The following C12orf56 variants were observed in gnomAD, a reference collection of about 807,000 sequenced individuals.
C12orf56 encodes the protein uncharacterized protein C12orf56.
C12orf56 carries 71 observed loss-of-function variants against 69.9 expected under a neutral mutation model. The ratio of observed to expected loss-of-function variants is 1.02; its 90% CI spans 0.84 to 1.24. The LOEUF is 1.24. C12orf56 is among the 50% of genes most tolerant of loss of function. The pLI is 0.00. For missense variants in C12orf56, 732 were observed against 738.5 expected (o/e 0.99, Z 0.10); for synonymous variants, 276 against 274.1 (o/e 1.01, Z -0.07).
intron 3 of C12orf56, among the ~76,000 whole-genome samples, chr12:64,320,574 C>T (rs189692328): frequency 7.9e-4 from 121 of 152,278 alleles, no homozygotes; most frequent in African/African-American, 2.8e-3. Flanking sequence ...TTTACTTTCC[C>T]TATTCTCTCC....
At chr12:64,319,091 T>C in intron 3 of C12orf56, 111 bp from the exon 4 acceptor site, 1 of 1,097,074 alleles carries the variant, frequency 9.1e-7, no homozygotes, top group Non-Finnish European at 1.2e-6. Flanking sequence ...AAAGGAATGC[T>C]TGTTAAAACA....
chr12:64,343,806 T>A (rs1436932116), intron 2 of C12orf56, among the ~76,000 whole-genome samples: 1 of 152,190 alleles, frequency 6.6e-6, no homozygotes, highest in Admixed American at 6.5e-5. Flanking sequence ...TGTTTTTGAT[T>A]TACTATCTTT....
At position 64,297,475 on chromosome 12, in the gene C12orf56, C is replaced by T. The variant is rs147161706; in HGVS notation, c.1113+6160G>A. Among the ~76,000 whole-genome samples the T allele has an allele frequency of 1.9e-3, 288 of 152,118 alleles. 1 individual carries two copies. The highest frequency in any genetic ancestry group is 6.5e-3 in the African/African-American group (270 of 41,476). On this transcript the variant is annotated intron_variant, in intron 6 of 12. Coordinates refer to ENST00000543942, the MANE Select transcript of C12orf56 (RefSeq NM_001170633.2). ...GTTATACACATGCCATGGTGGTTTG[C>T]TGCACCCATCAACCCGTCAGCCACA...
intron 4 of C12orf56, among the ~76,000 whole-genome samples, chr12:64,314,164 C>A (rs1205531913): frequency 6.6e-6 from 1 of 151,688 alleles, no homozygotes; most frequent in Non-Finnish European, 1.5e-5. Flanking sequence ...TACCTCACTG[C>A]AGCCTCAAAC....
chr12:64,314,431 C>G (rs1342285592), intron 4 of C12orf56, among the ~76,000 whole-genome samples: 1 of 152,132 alleles, frequency 6.6e-6, no homozygotes, highest in African/African-American at 2.4e-5. Context: ...TATTCCATAG[C>G]ATAGATACAC....
chr12:64,375,043 G>A (rs937675066), intron 1 of C12orf56, among the ~76,000 whole-genome samples: 2 of 151,658 alleles, frequency 1.3e-5, no homozygotes, highest in African/African-American at 4.8e-5. Flanking sequence ...CTTATTACTT[G>A]CTGTTTATTT....
chr12:64,310,634 C>T (rs993019647), intron 5 of C12orf56, among the ~76,000 whole-genome samples: 1 of 151,998 alleles, frequency 6.6e-6, no homozygotes, highest in African/African-American at 2.4e-5. Context: ...GGCCCTCTCT[C>T]TATCATGCAT....
intron 5 of C12orf56, among the ~76,000 whole-genome samples, chr12:64,310,272 G>T (rs2038590121): frequency 6.6e-6 from 1 of 152,146 alleles, no homozygotes; most frequent in African/African-American, 2.4e-5. Context: ...CTCCCAAAGT[G>T]CTGGGATTAC....
At chr12:64,353,739 T>A (rs1181347844) in intron 1 of C12orf56, among the ~76,000 whole-genome samples, 1 of 152,184 alleles carries the variant, frequency 6.6e-6, no homozygotes, top group African/African-American at 2.4e-5. Flanking sequence ...TGGAGTGCAA[T>A]GGCACAATCT....
intron 3 of C12orf56, among the ~76,000 whole-genome samples, chr12:64,328,679 C>CAAAAAAAAAAA (rs59688148): frequency 4.0e-4 from 23 of 57,916 alleles, no homozygotes; most frequent in Non-Finnish European, 4.7e-4. Flanking sequence ...GACTCCATCT[C>CAAAAAAAAAAA]AAAAAAAAAA....
intron 8 of C12orf56, among the ~76,000 whole-genome samples, chr12:64,284,313 A>G (rs1378350398): frequency 6.6e-6 from 1 of 152,192 alleles, no homozygotes; most frequent in Non-Finnish European, 1.5e-5. Flanking sequence ...CTGATTTTGC[A>G]GTTTTTCTGT....
At chr12:64,301,341 C>G (rs575896669) in intron 6 of C12orf56, among the ~76,000 whole-genome samples, 2 of 152,100 alleles carry the variant, frequency 1.3e-5, no homozygotes, top group Non-Finnish European at 2.9e-5. Flanking sequence ...GAATTCTTAA[C>G]AGGACCTGTT....
intron 3 of C12orf56, among the ~76,000 whole-genome samples, chr12:64,321,331 G>A (rs770182591): frequency 2.6e-5 from 4 of 152,148 alleles, no homozygotes; most frequent in African/African-American, 7.2e-5. Context: ...GAACCTCCAC[G>A]ATAGTGGAAA....
At chr12:64,269,172 T>G (rs1049323700) in intron 12 of C12orf56, among the ~76,000 whole-genome samples, 2 of 150,818 alleles carry the variant, frequency 1.3e-5, no homozygotes, top group South Asian at 2.1e-4. Context: ...TGGACTGTAG[T>G]TTTTTTTTAA....
intron 3 of C12orf56, among the ~76,000 whole-genome samples, chr12:64,325,610 G>T (rs1392477366): frequency 6.6e-6 from 1 of 152,106 alleles, no homozygotes; most frequent in Non-Finnish European, 1.5e-5. Flanking sequence ...TGAGCTTCGG[G>T]ATTATCTTCA....
intron 1 of C12orf56, among the ~76,000 whole-genome samples, chr12:64,358,479 A>ATCATCATCATCATC (rs1565773423): frequency 0.013 from 323 of 25,064 alleles, 1 homozygote; most frequent in Middle Eastern, 0.031. Context: ...TAATAATAAT[A>ATCATCATCATCATC]ATAATCATCA....
chr12:64,319,204 C>T (rs139809119), intron 3 of C12orf56, among the ~76,000 whole-genome samples: 719 of 152,192 alleles, frequency 4.7e-3, no homozygotes, highest in Admixed American at 8.4e-3. Context: ...AACTGTATTT[C>T]GGAAATACAT....
chr12:64,307,185 G>T (rs533992582), intron 5 of C12orf56, among the ~76,000 whole-genome samples: 29 of 151,924 alleles, frequency 1.9e-4, no homozygotes, highest in Middle Eastern at 3.4e-3. Context: ...GTAAACGTAT[G>T]AAAACCTATA....
chr12:64,265,601 C>G lies in C12orf56; in HGVS notation c.*1582G>C, dbSNP rs1321039420. The G allele has an allele frequency of 1.3e-5, 2 of 152,256 alleles. No homozygotes were observed. Among genetic ancestry groups the G allele is most frequent in the Non-Finnish European group, 2.9e-5 (2 of 68,070 alleles). The allele number at this position is 152,256 out of a possible 1,614,324, so 9.4% of individuals were successfully genotyped here. ...GATGTGGCCTGGAAAGGGGGCCTGA[C>G]TTGCTTGAAGTCAAATAGCTGGTCA... On this transcript the variant is annotated 3_prime_UTR_variant, in exon 13 of 13. Coordinates refer to ENST00000543942, the MANE Select transcript of C12orf56 (RefSeq NM_001170633.2).
Sources: gnomAD v4.1 joint callset for allele counts (sites outside exome capture counted in the v4.1 genomes callset) on GRCh38, gnomAD v4.1.1 for gene constraint, MANE v1.5 for transcripts, NCBI Gene and HGNC (gene_info 2026-07-23, HGNC 2026-07-21) for gene names.